The following PJA2 variants were observed in gnomAD, a reference collection of about 807,000 sequenced individuals.
PJA2 encodes praja ring finger ubiquitin ligase 2.
Under a neutral mutation model 69.3 loss-of-function variants are expected in PJA2, and 25 were observed. The ratio of observed to expected loss-of-function variants is 0.36; its 90% CI spans 0.26 to 0.50. The LOEUF (loss-of-function observed/expected upper bound fraction) is 0.50, where lower values mean the gene tolerates loss of function less well. Ranked by LOEUF, PJA2 falls within the 20% of genes least tolerant of loss-of-function variation. PJA2 has a pLI of 0.96. For missense variants in PJA2, 809 were observed against 830.2 expected (o/e 0.97, Z 0.31); for synonymous variants, 308 against 277.8 (o/e 1.11, Z -1.08).
At chr5:109,383,280 T>C (rs767239539) in intron 2 of PJA2, 123 bp downstream of exon 2, 3 of 711,680 alleles carry the variant, frequency 4.2e-6, no homozygotes, top group African/African-American at 1.8e-5. Context: ...ATTCAATATA[T>C]GGATCAAAAC....
chr5:109,344,711 G>A lies in PJA2; in HGVS notation c.1873C>T (p.His625Tyr). 13 of 1,610,698 alleles carry A rather than the reference G, an allele frequency of 8.1e-6. No homozygotes were observed. The highest frequency in any genetic ancestry group is 1.1e-5 in the Non-Finnish European group (13 of 1,177,424). Residue 625 changes from histidine (H) to tyrosine (Y), a missense_variant, in exon 8 of 10, where the codon CAC (histidine) becomes TAC (tyrosine). Physicochemically the swap from His to Tyr is moderately conservative, Grantham distance 83. Coordinates refer to ENST00000361189, the MANE Select transcript of PJA2 (RefSeq NM_014819.5). ...AGATCAACTTTGCCCTTACCAGTGT[G>A]ATCTTCAAGAACAAGGGTCTCTGGA... Reference protein sequence around the residue: ...GLPETLVLEDHTAIGQEQCCP... With the variant: ...GLPETLVLEDYTAIGQEQCCP...
At chr5:109,389,135 T>A (rs1205695783) in intron 1 of PJA2, among the ~76,000 whole-genome samples, 1 of 152,166 alleles carries the variant, frequency 6.6e-6, no homozygotes, top group Non-Finnish European at 1.5e-5. Context: ...TTGTCAGGTT[T>A]TCCTATCAAG....
chr5:109,368,485 C>A, intron 5 of PJA2, 76 bp downstream of exon 5: 1 of 1,282,940 alleles, frequency 7.8e-7, no homozygotes, highest in Admixed American at 2.2e-5. Flanking sequence ...CAATTAATGG[C>A]ATATCCAACA....
At chr5:109,393,397 G>C (rs1296431492) in intron 1 of PJA2, among the ~76,000 whole-genome samples, 6 of 152,180 alleles carry the variant, frequency 3.9e-5, no homozygotes. Context: ...ATACATCTCT[G>C]CATTCATCTC....
At chr5:109,367,891 C>T (rs10477959) in intron 5 of PJA2, among the ~76,000 whole-genome samples, 2,959 of 152,294 alleles carry the variant, frequency 0.019, 87 homozygotes, top group African/African-American at 0.068. Flanking sequence ...ATTCAACAAA[C>T]ATTCTTGCTA....
chr5:109,378,655 G>A lies in PJA2; in HGVS notation c.832C>T (p.Gln278Ter). ...KQQNNTSQER[Q>*]TEHSPEDAAC... The stretch of plus-strand genomic sequence containing the variant: ...GCATCTTCAGGTGAATGTTCTGTCT[G>A]TCTTTCCTGGCTAGTATTATTTTGT... Residue 278 changes from glutamine to a stop codon, truncating the protein, a stop_gained, in exon 4 of 10, where the codon CAG becomes TAG. Coordinates refer to ENST00000361189, the MANE Select transcript of PJA2 (RefSeq NM_014819.5). LOFTEE classifies it high-confidence loss of function. 6.2e-7 allele frequency: 1 copy of A among 1,614,076 alleles called. No individual in the cohort carries two copies. Among genetic ancestry groups the A allele is most frequent in the Non-Finnish European group, 8.5e-7 (1 of 1,180,016 alleles).
intron 3 of PJA2, among the ~76,000 whole-genome samples, 160 bp from the exon 4 acceptor site, chr5:109,379,414 A>G (rs1279742869): frequency 6.6e-6 from 1 of 152,240 alleles, no homozygotes; most frequent in Non-Finnish European, 1.5e-5. Flanking sequence ...CTGAGAATGC[A>G]GACTGATTAC....
intron 1 of PJA2, among the ~76,000 whole-genome samples, chr5:109,404,578 A>T (rs1258272120): frequency 6.6e-6 from 1 of 152,184 alleles, no homozygotes; most frequent in Non-Finnish European, 1.5e-5. Context: ...TGGGAAGTCC[A>T]AAATCAAGGT....
At chr5:109,357,640 C>A (rs1362601825) in intron 6 of PJA2, among the ~76,000 whole-genome samples, 1 of 152,166 alleles carries the variant, frequency 6.6e-6, no homozygotes, top group Non-Finnish European at 1.5e-5. Flanking sequence ...ACAGAGATGG[C>A]ACCACAGTAG....
chr5:109,357,342 A>G (rs1156424028), intron 6 of PJA2, among the ~76,000 whole-genome samples: 2 of 146,850 alleles, frequency 1.4e-5, no homozygotes. Flanking sequence ...GCCGTAATTA[A>G]AATTACCCAT....
chr5:109,347,184 A>G (rs1314643916), intron 7 of PJA2, among the ~76,000 whole-genome samples: 1 of 152,276 alleles, frequency 6.6e-6, no homozygotes, highest in East Asian at 1.9e-4. Flanking sequence ...AAAAAGAAAG[A>G]AACACTGTTC....
chr5:109,355,818 A>G, intron 7 of PJA2, 97 bp downstream of exon 7: 1 of 782,922 alleles, frequency 1.3e-6, no homozygotes, highest in Non-Finnish European at 2.1e-6. Context: ...TGGGAAAAAG[A>G]TTCACCTTTT....
intron 5 of PJA2, among the ~76,000 whole-genome samples, chr5:109,363,460 C>A (rs11738695): frequency 0.43 from 65,465 of 152,040 alleles, 17,407 homozygotes; most frequent in Non-Finnish European, 0.59. Context: ...TCTCTCATCA[C>A]TCTTCCCCAG....
intron 9 of PJA2, among the ~76,000 whole-genome samples, 200 bp downstream of exon 9, chr5:109,343,990 G>A (rs1311251496): frequency 6.6e-6 from 1 of 151,630 alleles, no homozygotes; most frequent in Non-Finnish European, 1.5e-5. Flanking sequence ...CCAGCTACTT[G>A]GGAGGCTGAG....
At chr5:109,343,273 CAAAAAAAAAAA>C (rs869033444) in intron 9 of PJA2, among the ~76,000 whole-genome samples, 16 of 19,398 alleles carry the variant, frequency 8.2e-4, no homozygotes, top group Non-Finnish European at 1.1e-3. Context: ...AAGGGCGGTG[CAAAAAAAAAAA>C]AAAAAAAAGA....
At chr5:109,397,755 C>G (rs1747450337) in intron 1 of PJA2, among the ~76,000 whole-genome samples, 3 of 152,016 alleles carry the variant, frequency 2.0e-5, no homozygotes, top group Admixed American at 1.3e-4. Context: ...AACTCCTGAT[C>G]TCAAATGATC....
intron 7 of PJA2, among the ~76,000 whole-genome samples, chr5:109,347,574 G>T (rs1227677426): frequency 6.6e-6 from 1 of 152,212 alleles, no homozygotes. Context: ...CTAGGGGCTT[G>T]GTCACATCAC....
intron 7 of PJA2, among the ~76,000 whole-genome samples, 188 bp downstream of exon 7, chr5:109,355,727 A>G (rs1263977315): frequency 6.6e-6 from 1 of 152,248 alleles, no homozygotes; most frequent in Admixed American, 6.5e-5. Context: ...CTGAAATTTA[A>G]GGCAAACTAG....
rs750091187 is a variant in PJA2, at chr5:109,362,837, T to A, written c.1652+3A>T. ...AGCATCCTAATAAAATCGTGCTACATACCTCCAATCCACATCTAAGTCTTC... is the reference window on the plus strand; with the variant it reads ...AGCATCCTAATAAAATCGTGCTACAAACCTCCAATCCACATCTAAGTCTTC... On this transcript the variant is annotated splice_donor_region_variant and intron_variant, in intron 6 of 9. Transcript: ENST00000361189. 6.3e-7 allele frequency: 1 copy of A among 1,591,420 alleles called. No homozygotes were observed. Among genetic ancestry groups the A allele is most frequent in the South Asian group, 1.1e-5 (1 of 88,854 alleles).
Sources: gnomAD v4.1 joint callset for allele counts (sites outside exome capture counted in the v4.1 genomes callset) on GRCh38, gnomAD v4.1.1 for gene constraint, MANE v1.5 for transcripts, NCBI Gene and HGNC (gene_info 2026-07-23, HGNC 2026-07-21) for gene names.